NR3C1: variants seen among roughly 807,000 people sequenced by gnomAD.
The protein encoded by NR3C1 is glucocorticoid receptor.
In NR3C1, 14 loss-of-function variants were observed where a neutral mutation model predicts 74.0. The observed-to-expected ratio is 0.19, with a 90% CI of 0.12 to 0.30. The LOEUF (loss-of-function observed/expected upper bound fraction) is 0.30, where lower values mean the gene tolerates loss of function less well. NR3C1 is among the 10% of genes least tolerant of loss of function. NR3C1 has a pLI of 1.00. For missense variants in NR3C1, 695 were observed against 909.8 expected, an observed-to-expected ratio of 0.76 and a Z score of 3.04; for synonymous variants, 308 against 332.5, an observed-to-expected ratio of 0.93 and a Z score of 0.80.
intron 2 of NR3C1, among the ~76,000 whole-genome samples, chr5:143,321,562 AACAT>A (rs1249859307): frequency 6.6e-6 from 1 of 152,172 alleles, no homozygotes; most frequent in African/African-American, 2.4e-5. Context: ...CTCTTTTCTC[AACAT>A]GATTAAAAAT....
At chr5:143,354,750 C>T (rs1830817856) in intron 2 of NR3C1, among the ~76,000 whole-genome samples, 1 of 151,804 alleles carries the variant, frequency 6.6e-6, no homozygotes, top group South Asian at 2.1e-4. Context: ...TGGGGAATCC[C>T]CATCTCTACT....
chr5:143,336,955 G>A (rs1456855967), intron 2 of NR3C1, among the ~76,000 whole-genome samples: 1 of 149,252 alleles, frequency 6.7e-6, no homozygotes, highest in Non-Finnish European at 1.5e-5. Flanking sequence ...TCCAGCCTGG[G>A]TGACAGAGTG....
intron 2 of NR3C1, among the ~76,000 whole-genome samples, chr5:143,391,042 TA>T (rs1412698137): frequency 1.3e-5 from 2 of 149,390 alleles, no homozygotes; most frequent in African/African-American, 4.9e-5. Context: ...TTTTCTGTTT[TA>T]AAAAAAAAAC....
At chr5:143,390,008 C>T (rs1653827000) in intron 2 of NR3C1, 1 of 728,030 alleles carries the variant, frequency 1.4e-6, no homozygotes, top group Non-Finnish European at 1.7e-6. Flanking sequence ...ATCTAAAGTT[C>T]TTAAGCAGGC....
chr5:143,287,945 A>G (rs1248794864), intron 7 of NR3C1, among the ~76,000 whole-genome samples: 1 of 152,204 alleles, frequency 6.6e-6, no homozygotes, highest in East Asian at 1.9e-4. Flanking sequence ...AGAAATTGCA[A>G]CAGGGACTAT....
chr5:143,321,240 C>T (rs1432678124), intron 2 of NR3C1, among the ~76,000 whole-genome samples: 1 of 152,124 alleles, frequency 6.6e-6, no homozygotes, highest in East Asian at 1.9e-4. Context: ...TTGTGTTCAC[C>T]TCAAATACAA....
intron 2 of NR3C1, among the ~76,000 whole-genome samples, chr5:143,356,699 AC>A (rs1272768851): frequency 1.3e-5 from 2 of 149,706 alleles, no homozygotes; most frequent in African/African-American, 4.9e-5. Context: ...AAAAAAAAAA[AC>A]ACACGCAAAT....
intron 1 of NR3C1, among the ~76,000 whole-genome samples, chr5:143,414,874 C>T (rs1023940531): frequency 6.6e-6 from 1 of 152,092 alleles, no homozygotes; most frequent in Non-Finnish European, 1.5e-5. Context: ...GCTTAACAAG[C>T]CTACAAGTAC....
In NR3C1 at chr5:143,358,800, T is replaced by C. The variant is rs140493380; in HGVS notation, c.1184+40856A>G. On this transcript the variant is annotated intron_variant, in intron 2 of 8. Coordinates refer to ENST00000394464, the MANE Select transcript of NR3C1 (RefSeq NM_000176.3). Reference sequence around the variant, plus strand: ...CTGTAATCCCAGCTACTTGGGAGGCTGAGCCAGGAGAATCACTTAAACCCG... The same window carrying C: ...CTGTAATCCCAGCTACTTGGGAGGCCGAGCCAGGAGAATCACTTAAACCCG... Among the ~76,000 whole-genome samples the C allele has an allele frequency of 4.6e-3, 693 of 151,744 alleles. 8 individuals carry two copies. Among genetic ancestry groups the C allele is most frequent in the African/African-American group, 0.016 (679 of 41,340 alleles).
At chr5:143,290,630 C>T (rs925969792) in intron 7 of NR3C1, among the ~76,000 whole-genome samples, 13 of 152,100 alleles carry the variant, frequency 8.5e-5, no homozygotes, top group African/African-American at 2.2e-4. Context: ...AAGAGTGGCA[C>T]GATCTTGGCT....
intron 2 of NR3C1, among the ~76,000 whole-genome samples, chr5:143,318,559 G>A (rs908118657): frequency 4.0e-4 from 61 of 152,112 alleles, no homozygotes; most frequent in African/African-American, 1.4e-3. Flanking sequence ...GCAGATACAA[G>A]TCTTCAAAAA....
intron 2 of NR3C1, among the ~76,000 whole-genome samples, chr5:143,319,390 G>A (rs1242904893): frequency 6.6e-6 from 1 of 151,958 alleles, no homozygotes; most frequent in African/African-American, 2.4e-5. Flanking sequence ...TGTAATGCAA[G>A]AAATCTATTT....
intron 2 of NR3C1, among the ~76,000 whole-genome samples, chr5:143,345,774 G>GTA (rs1467526609): frequency 3.3e-5 from 5 of 152,058 alleles, no homozygotes; most frequent in African/African-American, 9.7e-5. Context: ...ATTCTTAAAT[G>GTA]TATATATATA....
chr5:143,310,460 A>T (rs1820657417), intron 3 of NR3C1, among the ~76,000 whole-genome samples: 1 of 151,978 alleles, frequency 6.6e-6, no homozygotes, highest in South Asian at 2.1e-4. Context: ...ATTCACATAT[A>T]AAAAAAGTAC....
At chr5:143,327,903 C>A (rs182567776) in intron 2 of NR3C1, among the ~76,000 whole-genome samples, 85 of 152,342 alleles carry the variant, frequency 5.6e-4, no homozygotes, top group Admixed American at 1.4e-3. Context: ...GGTGAATCTA[C>A]CTTTCTGGGG....
chr5:143,299,705 CT>C lies in NR3C1; in HGVS notation c.1747+779del, dbSNP rs576117064. ...TTTATTAAATTATTACATGTACCCC[CT>C]AAATATAAATATGTACAGTAAATAT... is the stretch of plus-strand genomic sequence containing the variant. On this transcript the variant is annotated intron_variant, in intron 5 of 8. Transcript: ENST00000394464. Among the ~76,000 whole-genome samples the C allele has an allele frequency of 1.2e-3, 178 of 152,216 alleles. 1 individual carries two copies. The highest frequency in any genetic ancestry group is 3.9e-3 in the African/African-American group (163 of 41,534).
chr5:143,430,118 A>T (rs1009338120), intron 1 of NR3C1, among the ~76,000 whole-genome samples: 1 of 151,818 alleles, frequency 6.6e-6, no homozygotes, highest in Admixed American at 6.6e-5. Context: ...AAAGAAAAAG[A>T]ACAAAAAATC....
At chr5:143,330,167 C>G (rs1200517309) in intron 2 of NR3C1, among the ~76,000 whole-genome samples, 1 of 152,078 alleles carries the variant, frequency 6.6e-6, no homozygotes, top group Non-Finnish European at 1.5e-5. Context: ...ATGCTATTTG[C>G]TAACATTTTA....
upstream of NR3C1, chr5:143,405,010 G>A: frequency 1.8e-6 from 1 of 564,378 alleles, no homozygotes; most frequent in Non-Finnish European, 2.2e-6. Context: ...AGTCCAAGGG[G>A]AAGGGAACTC....
Sources: allele counts gnomAD v4.1 joint callset (sites outside exome capture counted in the v4.1 genomes callset), GRCh38; gene constraint gnomAD v4.1.1; transcripts MANE v1.5; gene names NCBI Gene and HGNC (gene_info 2026-07-23, HGNC 2026-07-21).